The following MAD1L1 variants were observed in gnomAD, a reference collection of about 807,000 sequenced individuals.
The protein encoded by MAD1L1 is mitotic spindle assembly checkpoint protein MAD1.
Under a neutral mutation model 96.9 loss-of-function variants are expected in MAD1L1, and 95 were observed. That is an observed-to-expected ratio of 0.98 (90% confidence interval 0.83 to 1.16). MAD1L1 has a LOEUF of 1.16. MAD1L1 is among the 50% of genes most tolerant of loss of function. The probability of loss-of-function intolerance (pLI) is 0.00; values close to 1 mark genes in which losing one functional copy is unlikely to be tolerated. For missense variants in MAD1L1, 1,007 were observed against 954.4 expected (o/e 1.06, Z -0.73); for synonymous variants, 473 against 396.6 (o/e 1.19, Z -2.29).
intron 11 of MAD1L1, among the ~76,000 whole-genome samples, chr7:2,117,941 T>G (rs1787793974): frequency 6.6e-6 from 1 of 152,046 alleles, no homozygotes; most frequent in Non-Finnish European, 1.5e-5. Context: ...TGCCAGACAC[T>G]CAGCATCCCT....
chr7:1,865,944 C>T (rs1417999466), intron 18 of MAD1L1, among the ~76,000 whole-genome samples: 2 of 152,256 alleles, frequency 1.3e-5, no homozygotes, highest in South Asian at 2.1e-4. Flanking sequence ...GCGTGACAGG[C>T]ACCATCGGCC....
intron 14 of MAD1L1, among the ~76,000 whole-genome samples, chr7:1,993,438 A>G (rs1781433561): frequency 6.6e-6 from 1 of 152,128 alleles, no homozygotes; most frequent in South Asian, 2.1e-4. Context: ...GAGAATATCT[A>G]AGATCATTCT....
intron 15 of MAD1L1, among the ~76,000 whole-genome samples, chr7:1,979,200 G>A (rs1780781790): frequency 6.6e-6 from 1 of 152,194 alleles, no homozygotes; most frequent in African/African-American, 2.4e-5. Context: ...ACACACCAAA[G>A]CTGTGTGGCC....
chr7:2,057,614 G>T (rs1187931367), intron 12 of MAD1L1, among the ~76,000 whole-genome samples: 1 of 151,012 alleles, frequency 6.6e-6, no homozygotes, highest in Non-Finnish European at 1.5e-5. Flanking sequence ...CTTTTCAGCT[G>T]GCCAGTCCAC....
intron 18 of MAD1L1, among the ~76,000 whole-genome samples, chr7:1,841,828 C>T (rs1406529437): frequency 1.3e-5 from 2 of 152,236 alleles, no homozygotes; most frequent in African/African-American, 4.8e-5. Context: ...TGGGCGGGTG[C>T]CTCGCTTCTG....
At chr7:1,915,809 C>G (rs925692560) in intron 17 of MAD1L1, among the ~76,000 whole-genome samples, 2 of 152,182 alleles carry the variant, frequency 1.3e-5, no homozygotes, top group Admixed American at 6.5e-5. Context: ...ACAGAACCAG[C>G]GGGATAAGGG....
intron 12 of MAD1L1, among the ~76,000 whole-genome samples, chr7:2,065,488 C>T (rs1292777929): frequency 2.0e-5 from 3 of 152,242 alleles, no homozygotes; most frequent in East Asian, 1.9e-4. Context: ...AGATCTGATG[C>T]CCCAGGCAGC....
intron 12 of MAD1L1, among the ~76,000 whole-genome samples, chr7:2,015,363 C>T (rs55832849): frequency 0.034 from 5,247 of 152,282 alleles, 193 homozygotes; most frequent in Admixed American, 0.098. Context: ...CCCAGCAGGG[C>T]TCAGCTTCCT....
chr7:1,900,805 G>A lies in MAD1L1; in HGVS notation c.1808-2415C>T, dbSNP rs369998280. On this transcript the variant is annotated intron_variant, in intron 17 of 18. Transcript: ENST00000265854. ...GGAGAAGGAAACAGCCCTGTTTTCC[G>A]ATAGACTTCAAAGCTGCCTGTGCCG... Among the ~76,000 whole-genome samples the A allele has an allele frequency of 9.2e-5, 14 of 152,298 alleles. 1 individual carries two copies. In the East Asian group the frequency reaches 1.4e-3, roughly 15 times the overall value.
intron 15 of MAD1L1, among the ~76,000 whole-genome samples, chr7:1,971,045 T>C (rs575811943): frequency 6.6e-6 from 1 of 152,168 alleles, no homozygotes; most frequent in East Asian, 1.9e-4. Context: ...TGGAGATGCA[T>C]GCAGTGCCAC....
intron 11 of MAD1L1, among the ~76,000 whole-genome samples, chr7:2,110,950 C>T (rs989171121): frequency 5.9e-5 from 9 of 152,164 alleles, no homozygotes; most frequent in African/African-American, 2.2e-4. Context: ...AAGCTCACTA[C>T]ATCCCTGGCT....
chr7:2,160,036 T>G (rs759947704), intron 10 of MAD1L1, among the ~76,000 whole-genome samples: 4 of 151,532 alleles, frequency 2.6e-5, no homozygotes, highest in Non-Finnish European at 5.9e-5. Context: ...CAGACCAGCC[T>G]AGGCAACATG....
chr7:2,060,352 T>C (rs896204537), intron 12 of MAD1L1, among the ~76,000 whole-genome samples: 3 of 150,572 alleles, frequency 2.0e-5, no homozygotes, highest in African/African-American at 7.4e-5. Flanking sequence ...GATGTCGAGA[T>C]ATGCTGATGC....
chr7:1,843,737 G>C (rs940115414), intron 18 of MAD1L1, among the ~76,000 whole-genome samples: 1 of 152,154 alleles, frequency 6.6e-6, no homozygotes, highest in Non-Finnish European at 1.5e-5. Context: ...CGTCTTCCTG[G>C]AGCACCCAGG....
intron 10 of MAD1L1, among the ~76,000 whole-genome samples, chr7:2,166,337 C>T (rs1166876354): frequency 6.6e-6 from 1 of 152,194 alleles, no homozygotes; most frequent in Admixed American, 6.5e-5. Flanking sequence ...TTTACAGTTG[C>T]TGCCCTCGCA....
intron 18 of MAD1L1, among the ~76,000 whole-genome samples, chr7:1,818,665 C>T (rs1287914207): frequency 6.6e-6 from 1 of 152,050 alleles, no homozygotes. Flanking sequence ...CTCAGCTGCC[C>T]ACGACGTGAG....
At position 2,119,430 on chromosome 7, in the gene MAD1L1, C is replaced by G. The variant is rs117230269; in HGVS notation, c.1073+29722G>C. On this transcript the variant is annotated intron_variant, in intron 11 of 18. Coordinates refer to ENST00000265854, the MANE Select transcript of MAD1L1 (RefSeq NM_001013836.2). The surrounding 1 kb of genome is among the most constrained non-coding windows in gnomAD (Gnocchi z 4.6). ...CCCAGATGCGATGAGCAGGAGCTGTCGTGGGGCGCACACTCTCTGTAGCTG... is the reference window on the plus strand; with the variant it reads ...CCCAGATGCGATGAGCAGGAGCTGTGGTGGGGCGCACACTCTCTGTAGCTG... Among the ~76,000 whole-genome samples the G allele has an allele frequency of 1.3e-5, 2 of 152,122 alleles. No individual in the cohort carries two copies. The highest frequency in any genetic ancestry group is 2.9e-5 in the Non-Finnish European group (2 of 68,018).
intron 18 of MAD1L1, among the ~76,000 whole-genome samples, chr7:1,837,740 G>C (rs1264089724): frequency 6.6e-6 from 1 of 152,254 alleles, no homozygotes; most frequent in East Asian, 1.9e-4. Flanking sequence ...TGAACCCGTG[G>C]TGACAGGAAA....
At chr7:1,963,839 G>A (rs963413170) in intron 15 of MAD1L1, among the ~76,000 whole-genome samples, 5 of 152,330 alleles carry the variant, frequency 3.3e-5, no homozygotes, top group South Asian at 2.1e-4. Flanking sequence ...AGGGAGCGCC[G>A]GCAGGGGAGA....
Sources: gnomAD v4.1 joint callset for allele counts (sites outside exome capture counted in the v4.1 genomes callset) on GRCh38, gnomAD v4.1.1 for gene constraint, Gnocchi (gnomAD v3.1) non-coding constraint, MANE v1.5 for transcripts, NCBI Gene and HGNC (gene_info 2026-07-23, HGNC 2026-07-21) for gene names.